The following TFR2 variants were observed in gnomAD, a reference collection of about 807,000 sequenced individuals.
TFR2 encodes transferrin receptor 2, also known as transferrin receptor protein 2.
A neutral mutation model predicts 91.9 loss-of-function variants in TFR2; 64 were observed. The ratio of observed to expected loss-of-function variants is 0.70; its 90% CI spans 0.57 to 0.86. The LOEUF (loss-of-function observed/expected upper bound fraction) is 0.86, where lower values mean the gene tolerates loss of function less well. Among genes scored for constraint, TFR2 ranks in the 40% least tolerant of loss-of-function variants. The pLI is 0.00. For synonymous variants in TFR2, 454 were observed against 459.6 expected (o/e 0.99, Z 0.15); for missense variants, 950 against 1,080.5 (o/e 0.88, Z 1.69).
At chr7:100,631,186 G>A (rs1288966959) in intron 8 of TFR2, 134 bp from the exon 9 acceptor site, 15 of 1,070,612 alleles carry the variant, frequency 1.4e-5, no homozygotes, top group Non-Finnish European at 1.9e-5. Context: ...CCTGGGTAGG[G>A]CAGTGCAGTC....
Position 100,627,606 on chromosome 7 carries a change from C to G in TFR2, c.1738G>C (p.Val580Leu). 1 of 1,614,144 alleles carries G rather than the reference C, an allele frequency of 6.2e-7. No individual in the cohort carries two copies. Residue 580 changes from valine to leucine, a missense_variant, in exon 15 of 18, where the codon GTC becomes CTC. Coordinates refer to ENST00000223051, the MANE Select transcript of TFR2 (RefSeq NM_003227.4). ...ATAAAGGAGAACTCGACGGCAGGGA[C>G]TCCCACAAAGGCCGTGAAGGAATAG... ...SAYSFTAFVG[V>L]PAVEFSFMED...
intron 17 of TFR2, among the ~76,000 whole-genome samples, chr7:100,624,540 A>G (rs1267664442): frequency 6.4e-5 from 1 of 15,598 alleles, no homozygotes; most frequent in Non-Finnish European, 1.1e-4. Flanking sequence ...AGAGAGCGTG[A>G]AAACCAATAA....
chr7:100,640,894 A>G (rs1239497646), intron 2 of TFR2, 22 bp from the exon 3 acceptor site: 1 of 1,613,736 alleles, frequency 6.2e-7, no homozygotes. Context: ...CAAGATGGGG[A>G]TTCTCTTTAT....
At chr7:100,634,804 C>G (rs1803543675) in intron 3 of TFR2, among the ~76,000 whole-genome samples, 1 of 152,244 alleles carries the variant, frequency 6.6e-6, no homozygotes, top group African/African-American at 2.4e-5. Flanking sequence ...TCCACAGTCT[C>G]TTTGCCTGGC....
Position 100,640,709 on chromosome 7 carries a change from C to G in TFR2, c.450G>C (p.Glu150Asp), listed in dbSNP as rs751897394. Residue 150 changes from glutamate (E) to aspartate (D), a missense_variant, in exon 3 of 18, where the codon GAG becomes GAC. Physicochemically the swap from Glu to Asp is conservative, Grantham distance 45. Coordinates refer to ENST00000223051, the MANE Select transcript of TFR2 (RefSeq NM_003227.4). ...ACCTGATGGTGTCCTCCAGGCGCCC[C>G]TCCCCCAGGAACTGCAGGAACATGG... The part of the protein sequence containing the change: ...LQAMFLQFLG[E>D]GRLEDTIRQT... 6.2e-7 allele frequency: 1 copy of G among 1,613,394 alleles called. No individual in the cohort carries two copies. The highest frequency in any genetic ancestry group is 1.7e-5 in the Admixed American group (1 of 59,984).
Position 100,641,222 on chromosome 7 carries a change from G to A in TFR2, c.40C>T (p.Leu14=). 2 of 1,537,958 alleles carry A rather than the reference G, an allele frequency of 1.3e-6. No homozygotes were observed. The highest frequency in any genetic ancestry group is 1.8e-6 in the Non-Finnish European group (2 of 1,139,824). ...LWGLFQRAQQ[L]SPRSSQTVYQ... is the part of the protein sequence containing the mutation. Reference sequence around the variant, plus strand: ...ACGGTCTGAGAGGATCTTGGGGACAGTTGTTGCTGTGCAGGCGAGGTGGGC... The same window carrying A: ...ACGGTCTGAGAGGATCTTGGGGACAATTGTTGCTGTGCAGGCGAGGTGGGC... Residue 14 remains leucine, a synonymous_variant, in exon 2 of 18, where the codon CTG becomes TTG. Coordinates refer to ENST00000223051, the MANE Select transcript of TFR2 (RefSeq NM_003227.4).
At chr7:100,632,652 C>T (rs1441982464) in intron 6 of TFR2, 8 of 338,990 alleles carry the variant, frequency 2.4e-5, no homozygotes, top group African/African-American at 4.5e-5. Flanking sequence ...TGGGCTCAAG[C>T]GATCCTCCCA....
chr7:100,641,345 G>C lies in TFR2; in HGVS notation c.34-117C>G, dbSNP rs1013732973. On this transcript the variant is annotated intron_variant, in intron 1 of 17. Transcript: ENST00000223051. ...CAAATGAGCATGGTGGTGGGGGCGT[G>C]GGGGAGGGGCAGGGGTGGGAAGAAG... 2.1e-6 allele frequency: 3 copies of C among 1,433,120 alleles called. No homozygotes were observed. In the African/African-American group the frequency reaches 4.3e-5, roughly 20 times the overall value. 88.8% of individuals were successfully genotyped at this position (1,433,120 alleles called of 1,614,324 possible).
chr7:100,639,493 C>T (rs1803648558), intron 3 of TFR2, among the ~76,000 whole-genome samples: 1 of 151,686 alleles, frequency 6.6e-6, no homozygotes, highest in Admixed American at 6.6e-5. Context: ...ATTATAAAAG[C>T]ATTGCTATTA....
chr7:100,628,707 T>G (rs764690894), intron 10 of TFR2, among the ~76,000 whole-genome samples: 6 of 152,036 alleles, frequency 3.9e-5, no homozygotes, highest in Admixed American at 2.6e-4. Flanking sequence ...CAGCCCAACA[T>G]GCTTAATCTT....
rs766099433 is a variant in TFR2 at position 100,620,611 on chromosome 7, G to A, written c.*246C>T. On this transcript the variant is annotated 3_prime_UTR_variant, in exon 18 of 18. Transcript: ENST00000223051. Reference sequence around the variant, plus strand: ...CCAGAAAGGGGAAGGGGCTGTGATTGAAGGGATGCTACTCTCTGATTAACC... The same window carrying A: ...CCAGAAAGGGGAAGGGGCTGTGATTAAAGGGATGCTACTCTCTGATTAACC... The A allele has an allele frequency of 7.9e-6, 4 of 507,818 alleles. No homozygotes were observed. Among genetic ancestry groups the A allele is most frequent in the Admixed American group, 3.4e-5 (1 of 29,514 alleles). 31.5% of individuals were successfully genotyped at this position (507,818 alleles called of 1,614,324 possible).
intron 3 of TFR2, chr7:100,640,374 C>T (rs2131327096): frequency 5.4e-6 from 2 of 372,600 alleles, no homozygotes; most frequent in Middle Eastern, 7.2e-4. Context: ...ATCTAGGCGC[C>T]TGGGTGAGGC....
At chr7:100,639,712 G>A (rs1416044805) in intron 3 of TFR2, 1 of 151,982 alleles carries the variant, frequency 6.6e-6, no homozygotes, top group Non-Finnish European at 1.5e-5. Flanking sequence ...TCCCAAAAGA[G>A]GGCTATGGGT....
chr7:100,630,409 C>T (rs1803401383), intron 9 of TFR2, among the ~76,000 whole-genome samples: 1 of 152,280 alleles, frequency 6.6e-6, no homozygotes, highest in Admixed American at 6.5e-5. Flanking sequence ...CCTGTCCGAG[C>T]CTCCGGAATA....
chr7:100,633,607 G>A (rs369529939), intron 3 of TFR2, 51 bp from the exon 4 acceptor site: 8 of 1,563,996 alleles, frequency 5.1e-6, no homozygotes, highest in Non-Finnish European at 6.9e-6. Flanking sequence ...GAGAGGGAGG[G>A]AAGAGGGAAG....
At position 100,632,895 on chromosome 7, in the gene TFR2, A is replaced by G. The variant is rs2131319895; in HGVS notation, c.849+106T>C. On this transcript the variant is annotated intron_variant, in intron 6 of 17. Transcript: ENST00000223051. ...TTATATTTTCTTACCATCCAGCCAC[A>G]TGGTTCTTTCCTGTCTCCCTCTCAC... The G allele has an allele frequency of 1.9e-6, 3 of 1,590,782 alleles. No individual in the cohort carries two copies. The South Asian group carries it at 3.3e-5, about 18-fold the overall frequency.
intron 8 of TFR2, among the ~76,000 whole-genome samples, chr7:100,631,305 C>CTTTTTT (rs542161282): frequency 1.0e-5 from 1 of 95,696 alleles, no homozygotes; most frequent in South Asian, 4.0e-4. Context: ...AGAAGAGTCA[C>CTTTTTT]TTTTTTTTTT....
chr7:100,627,440 G>A lies in TFR2; in HGVS notation c.1819C>T (p.Leu607=), dbSNP rs767573164. 6.3e-7 allele frequency: 1 copy of A among 1,594,154 alleles called. No individual in the cohort carries two copies. Among genetic ancestry groups the A allele is most frequent in the Admixed American group, 1.8e-5 (1 of 55,830 alleles). The change falls in exon 16 of 18, where the codon CTG becomes TTG. Residue 607 remains leucine, a synonymous_variant. Transcript: ENST00000223051. ...AGGCGGCCTTGCAGCACCTTATGCA[G>A]GTTCTCATAAGTGTCCTCCTTTGTG... The part of the protein sequence containing the change: ...LHTKEDTYEN[L]HKVLQGRLPA...
chr7:100,626,467 G>A lies in TFR2; in HGVS notation c.2136+296C>T, dbSNP rs41295936. On this transcript the variant is annotated intron_variant, in intron 17 of 17. Coordinates refer to ENST00000223051, the MANE Select transcript of TFR2 (RefSeq NM_003227.4). Reference sequence around the variant, plus strand: ...AGGCAGTGGGAGCTATAGGAGGGGAGTCAGCGGGGAGGGGTGGGGGAGGGT... The same window carrying A: ...AGGCAGTGGGAGCTATAGGAGGGGAATCAGCGGGGAGGGGTGGGGGAGGGT... 1,928 of 1,279,312 alleles carry A rather than the reference G, an allele frequency of 1.5e-3. 39 individuals carry two copies. The African/African-American group carries it at 0.026, about 17-fold the overall frequency. 79.2% of individuals were successfully genotyped at this position (1,279,312 alleles called of 1,614,324 possible). A position where few individuals can be genotyped will look rare whatever the true frequency, so the allele number is the denominator to read the frequency against.
Sources: allele counts gnomAD v4.1 joint callset (sites outside exome capture counted in the v4.1 genomes callset), GRCh38; gene constraint gnomAD v4.1.1; transcripts MANE v1.5; gene names NCBI Gene and HGNC (gene_info 2026-07-23, HGNC 2026-07-21).